The following EPG5 variants were observed in gnomAD, a reference collection of about 807,000 sequenced individuals.
EPG5 encodes ectopic P-granules 5 autophagy tethering factor.
A neutral mutation model predicts 302.7 loss-of-function variants in EPG5; 159 were observed. The observed-to-expected ratio is 0.53, with a 90% CI of 0.46 to 0.60. The LOEUF (loss-of-function observed/expected upper bound fraction) is 0.60. EPG5 is among the 20% of genes least tolerant of loss of function. The pLI, the probability that EPG5 is intolerant of heterozygous loss-of-function variation, is 0.00. For synonymous variants in EPG5, 1,158 were observed against 1,136.8 expected (o/e 1.02, Z -0.37); for missense variants, 2,896 against 3,092.4 (o/e 0.94, Z 1.51).
intron 41 of EPG5, 84 bp downstream of exon 41, chr18:45,858,482 T>TGCATAAAAAATAAA (rs2048563669): frequency 2.9e-6 from 3 of 1,022,372 alleles, no homozygotes; most frequent in Non-Finnish European, 4.5e-6. Context: ...CTTGGTTCTG[T>TGCATAAAAAATAAA]GTACTTAAAG....
intron 23 of EPG5, among the ~76,000 whole-genome samples, chr18:45,908,725 C>T (rs1243335570): frequency 2.0e-5 from 3 of 152,098 alleles, no homozygotes; most frequent in Non-Finnish European, 2.9e-5. Flanking sequence ...CCAAGGCGGG[C>T]GGATCACAAG....
chr18:45,910,534 T>G lies in EPG5; in HGVS notation c.4192A>C (p.Lys1398Gln). 1 of 1,608,538 alleles carries G rather than the reference T, an allele frequency of 6.2e-7. No individual in the cohort carries two copies. Among genetic ancestry groups the G allele is most frequent in the Non-Finnish European group, 8.5e-7 (1 of 1,177,668 alleles). The change falls in exon 23 of 44, where the codon AAG becomes CAG. Residue 1398 changes from lysine (K) to glutamine (Q), a missense_variant. Physicochemically the swap from Lys to Gln is moderately conservative, Grantham distance 53. Transcript: ENST00000282041. ...PGYLTSPELH[K>Q]ELVRLFNVYI... ...AACCATACTCACCTCACCAGCTCCTTGTGCAGTTCTGGTGAAGTCAGGTAA... is the reference window on the plus strand; with the variant it reads ...AACCATACTCACCTCACCAGCTCCTGGTGCAGTTCTGGTGAAGTCAGGTAA...
In EPG5 at chr18:45,955,328, T is replaced by G; in HGVS notation, c.74A>C (p.Lys25Thr). The change falls in exon 2 of 44, where the codon AAG becomes ACG. Residue 25 changes from lysine to threonine, a missense_variant. Around this residue, in one of 5 missense-constraint regions of EPG5, gnomAD observed 1,390 missense variants for 1,430.0 expected, o/e 0.97. Coordinates refer to ENST00000282041, the MANE Select transcript of EPG5 (RefSeq NM_020964.3). Reference sequence around the variant, plus strand: ...CTCTTCCCTCTGAGGAGTTTCATACTTCTTCTTTTCCTAAAAACAACATAC... The same window carrying G: ...CTCTTCCCTCTGAGGAGTTTCATACGTCTTCTTTTCCTAAAAACAACATAC... ...ASRTKTKEKK[K>T]YETPQREESS... 2 of 1,542,516 alleles carry G rather than the reference T, an allele frequency of 1.3e-6. No individual in the cohort carries two copies. Among genetic ancestry groups the G allele is most frequent in the Non-Finnish European group, 1.7e-6 (2 of 1,145,752 alleles).
At chr18:45,834,032 C>A in the EPG5 span, among the ~76,000 whole-genome samples, 1 of 152,224 alleles carries the variant, frequency 6.6e-6, no homozygotes, top group Non-Finnish European at 1.5e-5. Flanking sequence ...TCATGCCTGG[C>A]AACCTCTATG....
At chr18:45,845,732 A>G (rs969337522), downstream of EPG5, among the ~76,000 whole-genome samples, 3 of 152,192 alleles carry the variant, frequency 2.0e-5, no homozygotes, top group African/African-American at 7.2e-5. Flanking sequence ...TGCTCTTCCC[A>G]GGGGCTTCTG....
intron 16 of EPG5, among the ~76,000 whole-genome samples, chr18:45,919,380 G>A (rs529257661): frequency 6.6e-6 from 1 of 152,282 alleles, no homozygotes; most frequent in East Asian, 1.9e-4. Context: ...AGAGCCCACA[G>A]CAGTATCAGT....
chr18:45,878,935 C>A, intron 33 of EPG5, 78 bp downstream of exon 33: 1 of 1,147,788 alleles, frequency 8.7e-7, no homozygotes, highest in South Asian at 1.3e-5. Context: ...CAATATAAAT[C>A]TCTTAATGTG....
intron 9 of EPG5, among the ~76,000 whole-genome samples, chr18:45,940,980 T>C (rs1333459289): frequency 1.3e-5 from 2 of 152,170 alleles, no homozygotes; most frequent in Admixed American, 1.3e-4. Flanking sequence ...CGGTTGGTAG[T>C]TGAATATACA....
At chr18:45,837,681 G>C in the EPG5 span, 3 of 1,481,782 alleles carry the variant, frequency 2.0e-6, no homozygotes, top group Non-Finnish European at 2.7e-6. Context: ...CAGGTGTTCC[G>C]CTGCGCTGCG....
At chr18:45,905,114 C>T (rs1360781562) in intron 24 of EPG5, among the ~76,000 whole-genome samples, 2 of 152,204 alleles carry the variant, frequency 1.3e-5, no homozygotes, top group South Asian at 2.1e-4. Flanking sequence ...CCTCTCCCTA[C>T]ACTCCCATGG....
chr18:45,849,072 G>A lies in EPG5; in HGVS notation c.*3395C>T, dbSNP rs2048391669. On this transcript the variant is annotated 3_prime_UTR_variant, in exon 44 of 44. Transcript: ENST00000282041. ...GCACTCCAGCCTGGGTGACAGATGA[G>A]ACTCGTCTCAAAAAAAAAAAAAAAA... 8.3e-6 allele frequency: 1 copy of A among 120,352 alleles called. No individual in the cohort carries two copies. The highest frequency in any genetic ancestry group is 2.9e-4 in the South Asian group (1 of 3,436). 7.5% of individuals were successfully genotyped at this position (120,352 alleles called of 1,614,324 possible).
At chr18:45,966,045 A>C (rs987203006) in intron 1 of EPG5, among the ~76,000 whole-genome samples, 9 of 150,256 alleles carry the variant, frequency 6.0e-5, no homozygotes, top group African/African-American at 2.2e-4. Context: ...TGGACGACAG[A>C]GCGAGACTCC....
intron 27 of EPG5, among the ~76,000 whole-genome samples, chr18:45,894,545 T>A (rs2049426720): frequency 3.3e-5 from 5 of 152,048 alleles, no homozygotes. Context: ...AAACAGCAAG[T>A]GACTGCAACA....
chr18:45,900,540 T>C (rs187170056), intron 26 of EPG5, among the ~76,000 whole-genome samples: 174 of 152,324 alleles, frequency 1.1e-3, no homozygotes, highest in Non-Finnish European at 1.9e-3. Context: ...CCTTAAATGG[T>C]TGATCATATT....
chr18:45,910,653 TC>T lies in EPG5; in HGVS notation c.4072del (p.Glu1358ArgfsTer34). On this transcript the variant is annotated frameshift_variant, in exon 23 of 44. Coordinates refer to ENST00000282041, the MANE Select transcript of EPG5 (RefSeq NM_020964.3). LOFTEE classifies it high-confidence loss of function. Reference sequence around the variant, plus strand: ...TGCAGCATGGTGGAAGTCAGCCACCTCGGTCAAACGTCTCTTCATTTCTTTC... The same window carrying T: ...TGCAGCATGGTGGAAGTCAGCCACCTGGTCAAACGTCTCTTCATTTCTTTC... ...LLKEMKRRLT[E>X]VADFHHAASK... 1 of 1,614,186 alleles carries T rather than the reference TC, an allele frequency of 6.2e-7. No homozygotes were observed. Among genetic ancestry groups the T allele is most frequent in the Non-Finnish European group, 8.5e-7 (1 of 1,180,034 alleles).
the EPG5 span, chr18:45,838,388 C>A: frequency 2.2e-6 from 1 of 446,020 alleles, no homozygotes; most frequent in Non-Finnish European, 4.0e-6. Flanking sequence ...TCCACTCTAG[C>A]CCCCACCCTG....
At chr18:45,878,280 A>T in intron 34 of EPG5, 96 bp downstream of exon 34, 1 of 804,286 alleles carries the variant, frequency 1.2e-6, no homozygotes, top group Admixed American at 2.5e-5. Context: ...TACACTAAAA[A>T]ATTAAATCTG....
chr18:45,846,945 C>T (rs1175918329), downstream of EPG5, among the ~76,000 whole-genome samples: 2 of 152,280 alleles, frequency 1.3e-5, no homozygotes, highest in East Asian at 3.9e-4. Context: ...CAAAGATGCC[C>T]ACTGGTCTGG....
At chr18:45,818,255 TA>T in the EPG5 span, among the ~76,000 whole-genome samples, 13 of 110,812 alleles carry the variant, frequency 1.2e-4, no homozygotes, top group Admixed American at 5.3e-4. Flanking sequence ...AGGAAGATTT[TA>T]TTTTTTTTTT....
Sources: gnomAD v4.1 joint callset for allele counts (sites outside exome capture counted in the v4.1 genomes callset) on GRCh38, gnomAD v4.1.1 for gene constraint, gnomAD v4.1.1 regional missense constraint, MANE v1.5 for transcripts, NCBI Gene and HGNC (gene_info 2026-07-23, HGNC 2026-07-21) for gene names.